The following ESRRG variants were observed in gnomAD, a reference collection of about 807,000 sequenced individuals.
The protein encoded by ESRRG is estrogen-related receptor gamma.
ESRRG carries 13 observed loss-of-function variants against 44.0 expected under a neutral mutation model. The observed-to-expected ratio is 0.30, with a 90% CI of 0.19 to 0.47. The LOEUF (loss-of-function observed/expected upper bound fraction) is 0.47. Among genes scored for constraint, ESRRG ranks in the 20% least tolerant of loss-of-function variants. The pLI, the probability that ESRRG is intolerant of heterozygous loss-of-function variation, is 1.00. For missense variants in ESRRG, 395 were observed against 580.6 expected (o/e 0.68, Z 3.29); for synonymous variants, 215 against 214.6 (o/e 1.00, Z -0.02).
chr1:216,933,447 A>AT (rs202013169), intron 2 of ESRRG, among the ~76,000 whole-genome samples: 1 of 151,786 alleles, frequency 6.6e-6, no homozygotes, highest in South Asian at 2.1e-4. Context: ...AAAAAAAAAA[A>AT]ATTCGTTTGA....
chr1:217,040,275 G>A (rs868657714), intron 1 of ESRRG, among the ~76,000 whole-genome samples: 1 of 152,078 alleles, frequency 6.6e-6, no homozygotes, highest in African/African-American at 2.4e-5. Context: ...CACTAGGCTG[G>A]TGAGTTCAAA....
intron 1 of ESRRG, among the ~76,000 whole-genome samples, chr1:216,960,550 T>C (rs1369945305): frequency 6.6e-6 from 1 of 151,872 alleles, no homozygotes; most frequent in Non-Finnish European, 1.5e-5. Flanking sequence ...TGTTTTCTCA[T>C]TCAATACTAC....
chr1:216,595,086 T>C (rs1398704781), intron 3 of ESRRG, among the ~76,000 whole-genome samples: 1 of 152,216 alleles, frequency 6.6e-6, no homozygotes, highest in Non-Finnish European at 1.5e-5. Context: ...TCTATCTCCC[T>C]TGCTCTATGA....
intron 3 of ESRRG, among the ~76,000 whole-genome samples, chr1:216,627,555 C>G (rs1376175937): frequency 6.6e-6 from 1 of 152,118 alleles, no homozygotes; most frequent in Non-Finnish European, 1.5e-5. Context: ...TGAAACAAAA[C>G]CAAACTTTAA....
intron 2 of ESRRG, among the ~76,000 whole-genome samples, chr1:216,824,302 C>T (rs1233693112): frequency 2.0e-5 from 3 of 151,906 alleles, no homozygotes; most frequent in Non-Finnish European, 4.4e-5. Flanking sequence ...AGACATTAGC[C>T]GGGCATGGTG....
chr1:216,879,296 A>T lies in ESRRG; in HGVS notation c.-14+60286T>A, dbSNP rs1370146. Among the ~76,000 whole-genome samples, 1,311 of 152,160 alleles carry T rather than the reference A, an allele frequency of 8.6e-3. 21 individuals carry two copies. Among genetic ancestry groups the T allele is most frequent in the African/African-American group, 0.03 (1,243 of 41,522 alleles). On this transcript the variant is annotated intron_variant, in intron 2 of 7. Transcript: ENST00000359162. Reference sequence around the variant, plus strand: ...GAACTCACTCTCAAAAGAACAAACAAACAAAACAGTGCTGACTTCCTGTCC... The same window carrying T: ...GAACTCACTCTCAAAAGAACAAACATACAAAACAGTGCTGACTTCCTGTCC...
At chr1:216,669,742 C>T (rs930680477) in intron 2 of ESRRG, among the ~76,000 whole-genome samples, 6 of 152,010 alleles carry the variant, frequency 3.9e-5, no homozygotes, top group Admixed American at 2.6e-4. Context: ...AAAAATTAGC[C>T]AGGCTTGCTG....
intron 1 of ESRRG, among the ~76,000 whole-genome samples, chr1:217,114,981 A>C (rs978630608): frequency 3.3e-5 from 5 of 152,090 alleles, no homozygotes; most frequent in Admixed American, 3.3e-4. Context: ...TCTAGTTAAC[A>C]GTGTCTTCTC....
At chr1:217,053,137 A>AC (rs2086382880) in intron 1 of ESRRG, among the ~76,000 whole-genome samples, 1 of 116,278 alleles carries the variant, frequency 8.6e-6, no homozygotes. Context: ...CCATCTTAAA[A>AC]AAAAAAAAAA....
Position 216,664,692 on chromosome 1 carries a change from GA to G in ESRRG, c.472+12383del, listed in dbSNP as rs71163758. ...ACCCATTAGGATGGTTGCTACTGAA[GA>G]AAAAAAAAAAAAAACAGAAAATAAC... is the stretch of plus-strand genomic sequence containing the variant. On this transcript the variant is annotated intron_variant, in intron 2 of 6. Transcript: ENST00000408911. 4.2e-3 allele frequency among the ~76,000 whole-genome samples: 558 copies of G among 133,700 alleles called. 2 individuals carry two copies. Among genetic ancestry groups the G allele is most frequent in the African/African-American group, 0.01 (332 of 32,790 alleles). 87.7% of individuals were successfully genotyped at this position (133,700 alleles called of 152,430 possible).
chr1:216,922,987 T>C (rs909404435), intron 2 of ESRRG, among the ~76,000 whole-genome samples: 3 of 152,232 alleles, frequency 2.0e-5, no homozygotes, highest in Non-Finnish European at 4.4e-5. Flanking sequence ...TATTTACTTC[T>C]GTTTATTGCT....
chr1:216,821,503 T>C (rs902205276), intron 2 of ESRRG, among the ~76,000 whole-genome samples: 5 of 151,386 alleles, frequency 3.3e-5, no homozygotes, highest in African/African-American at 1.2e-4. Context: ...CTTGGCAACA[T>C]AGTGAGACCC....
intron 3 of ESRRG, among the ~76,000 whole-genome samples, chr1:216,642,259 A>G (rs2066585799): frequency 6.6e-6 from 1 of 152,096 alleles, no homozygotes; most frequent in Non-Finnish European, 1.5e-5. Flanking sequence ...TGAGGTCATT[A>G]TAAAGATTAA....
intron 1 of ESRRG, among the ~76,000 whole-genome samples, chr1:217,074,454 A>AAC: frequency 1.3e-5 from 2 of 149,348 alleles, no homozygotes; most frequent in East Asian, 3.9e-4. Flanking sequence ...ACCCCCCCCA[A>AAC]AAAAAAAAAA....
intron 3 of ESRRG, among the ~76,000 whole-genome samples, chr1:216,596,314 G>C (rs1047350713): frequency 6.6e-6 from 1 of 152,108 alleles, no homozygotes; most frequent in African/African-American, 2.4e-5. Context: ...GAGCTCATGT[G>C]AACACTTCAT....
intron 2 of ESRRG, among the ~76,000 whole-genome samples, chr1:216,662,662 T>C (rs1037110827): frequency 6.6e-6 from 1 of 152,036 alleles, no homozygotes; most frequent in African/African-American, 2.4e-5. Flanking sequence ...CCAAGGGACA[T>C]AGGATGAAAA....
At chr1:216,583,326 A>G (rs969240011) in intron 3 of ESRRG, among the ~76,000 whole-genome samples, 28 of 152,250 alleles carry the variant, frequency 1.8e-4, no homozygotes, top group African/African-American at 6.8e-4. Flanking sequence ...GTCAATGGTT[A>G]TTCCATAATT....
chr1:217,043,726 A>G (rs893036573), intron 1 of ESRRG, among the ~76,000 whole-genome samples: 4 of 152,186 alleles, frequency 2.6e-5, no homozygotes, highest in Non-Finnish European at 5.9e-5. Context: ...TACTAAAAAA[A>G]AGTGTTAATG....
At chr1:216,968,079 AT>A (rs1189844959) in intron 1 of ESRRG, among the ~76,000 whole-genome samples, 3 of 151,926 alleles carry the variant, frequency 2.0e-5, no homozygotes, top group African/African-American at 7.3e-5. Context: ...TTATTTTTTA[AT>A]TGGGTTATTT....
Sources: gnomAD v4.1 joint callset for allele counts (sites outside exome capture counted in the v4.1 genomes callset) on GRCh38, gnomAD v4.1.1 for gene constraint, MANE v1.5 for transcripts, NCBI Gene and HGNC (gene_info 2026-07-23, HGNC 2026-07-21) for gene names.